PCDHA9: variants seen among roughly 807,000 people sequenced by gnomAD.
The protein encoded by PCDHA9 is protocadherin alpha-9.
Under a neutral mutation model 62.0 loss-of-function variants are expected in PCDHA9, and 62 were observed. That is an observed-to-expected ratio of 1.00 (90% CI 0.81 to 1.23). PCDHA9 has a LOEUF of 1.23. Among genes scored for constraint, PCDHA9 ranks in the 50% most tolerant of loss-of-function variants. PCDHA9 has a pLI of 0.00. For synonymous variants in PCDHA9, 557 were observed against 567.6 expected (o/e 0.98, Z 0.27); for missense variants, 1,205 against 1,249.8 (o/e 0.96, Z 0.54).
At chr5:140,868,689 T>A (rs951881699) in intron 1 of PCDHA9, 4 of 174,918 alleles carry the variant, frequency 2.3e-5, no homozygotes, top group Admixed American at 2.1e-4. Flanking sequence ...GTTATAATGT[T>A]AAGTCAAACA....
intron 1 of PCDHA9, chr5:140,883,418 C>G: frequency 6.2e-7 from 1 of 1,614,172 alleles, no homozygotes; most frequent in Non-Finnish European, 8.5e-7. Context: ...CTCAAATGGA[C>G]AGGTCACCTG....
chr5:140,890,069 A>C (rs1554184149), intron 1 of PCDHA9, among the ~76,000 whole-genome samples: 1 of 152,204 alleles, frequency 6.6e-6, no homozygotes, highest in Non-Finnish European at 1.5e-5. Flanking sequence ...TTACTGGCTT[A>C]TGAGAACTGA....
chr5:140,875,986 T>C, intron 1 of PCDHA9: 1 of 1,613,998 alleles, frequency 6.2e-7, no homozygotes, highest in East Asian at 2.2e-5. Context: ...GACCTATGCG[T>C]TAAGTCTAAA....
At position 140,920,535 on chromosome 5, in the gene PCDHA9, T is replaced by C. The variant is rs75447697; in HGVS notation, c.2395-58414T>C. ...TATGCAATTCGTTAGACTCAGGTTT[T>C]CTATTTCACCTTCGAAGTGTGGCCC... is the stretch of plus-strand genomic sequence containing the variant. On this transcript the variant is annotated intron_variant, in intron 1 of 3. Transcript: ENST00000532602. Among the ~76,000 whole-genome samples the C allele has an allele frequency of 1.3e-3, 198 of 152,336 alleles. 1 individual carries two copies. Among genetic ancestry groups the C allele is most frequent in the African/African-American group, 4.5e-3 (189 of 41,590 alleles).
intron 1 of PCDHA9, among the ~76,000 whole-genome samples, chr5:140,940,230 TA>T (rs2153645241): frequency 6.6e-6 from 1 of 152,330 alleles, no homozygotes; most frequent in Non-Finnish European, 1.5e-5. Flanking sequence ...TTCATTTTGG[TA>T]CATTAAAGTT....
rs2060245016 is a variant in PCDHA9 at position 140,884,536 on chromosome 5, G to C, written c.2394+33647G>C. 5 of 1,614,090 alleles carry C rather than the reference G, an allele frequency of 3.1e-6. No individual in the cohort carries two copies. In the East Asian group the frequency reaches 1.1e-4, roughly 36 times the overall value. ...GGTCGTACTCGCAGCAGAGGCGGCC[G>C]AGGGTGTGCTCTGGGGAGGGCCCGC... On this transcript the variant is annotated intron_variant, in intron 1 of 3. Transcript: ENST00000532602.
intron 1 of PCDHA9, chr5:140,883,466 A>T: frequency 6.2e-7 from 1 of 1,614,128 alleles, no homozygotes; most frequent in Non-Finnish European, 8.5e-7. Flanking sequence ...GCTGGTGTCC[A>T]CCTACAAGAA....
chr5:140,863,279 T>C, intron 1 of PCDHA9: 1 of 1,461,288 alleles, frequency 6.8e-7, no homozygotes, highest in East Asian at 3.4e-5. Context: ...CTGGTGGATG[T>C]CAACGTGTAC....
intron 1 of PCDHA9, among the ~76,000 whole-genome samples, chr5:140,963,244 T>C (rs934081934): frequency 6.6e-6 from 1 of 151,988 alleles, no homozygotes; most frequent in Non-Finnish European, 1.5e-5. Flanking sequence ...ATGGATTAGG[T>C]AGGTTTTCAT....
rs781924329 is a variant in PCDHA9, at chr5:140,856,796, A to T, written c.2394+5907A>T. 42 of 1,595,540 alleles carry T rather than the reference A, an allele frequency of 2.6e-5. 2 individuals carry two copies. The highest frequency in any genetic ancestry group is 1.8e-4 in the South Asian group (16 of 90,506). ...TGACAGACCGGTTTATGAAGTTAAG[A>T]TGTATGAAAATCAAGTGAACCAAAC... On this transcript the variant is annotated intron_variant, in intron 1 of 3. Transcript: ENST00000532602.
At chr5:140,855,486 GTC>G (rs2150336982) in intron 1 of PCDHA9, among the ~76,000 whole-genome samples, 1 of 149,948 alleles carries the variant, frequency 6.7e-6, no homozygotes, top group South Asian at 2.1e-4. Context: ...TGACATTAGT[GTC>G]TAAATAAACC....
intron 1 of PCDHA9, among the ~76,000 whole-genome samples, chr5:140,933,345 A>G (rs1257404732): frequency 6.6e-6 from 1 of 151,960 alleles, no homozygotes; most frequent in Non-Finnish European, 1.5e-5. Flanking sequence ...AAAGATAAAC[A>G]CTTTATTTCT....
chr5:140,903,434 A>T (rs1372993909), intron 1 of PCDHA9, among the ~76,000 whole-genome samples: 1 of 152,226 alleles, frequency 6.6e-6, no homozygotes, highest in Non-Finnish European at 1.5e-5. Context: ...AATATGTATC[A>T]GTGGAATTCA....
rs2098418669 is a variant in PCDHA9 at position 141,010,882 on chromosome 5, G to C, written c.*945G>C. On this transcript the variant is annotated 3_prime_UTR_variant, in exon 4 of 4. Transcript: ENST00000532602. ...GTCTATAGCTATAAATCTTTAAAGAGAAATATGAATACAATTCCCCTAAAC... is the reference window on the plus strand; with the variant it reads ...GTCTATAGCTATAAATCTTTAAAGACAAATATGAATACAATTCCCCTAAAC... The C allele has an allele frequency of 6.5e-6, 1 of 153,674 alleles. No homozygotes were observed. The allele number at this position is 153,674 out of a possible 1,614,324, so 9.5% of individuals were successfully genotyped here.
intron 1 of PCDHA9, among the ~76,000 whole-genome samples, chr5:140,888,313 G>C (rs1434881975): frequency 6.6e-6 from 1 of 152,154 alleles, no homozygotes; most frequent in Non-Finnish European, 1.5e-5. Context: ...ATTTGGCAAT[G>C]CCTGGATACA....
chr5:140,891,344 T>C (rs952306829), intron 1 of PCDHA9, among the ~76,000 whole-genome samples: 2 of 152,166 alleles, frequency 1.3e-5, no homozygotes, highest in East Asian at 1.9e-4. Flanking sequence ...GAGATTTTGG[T>C]GCATCCATCA....
At chr5:140,929,093 A>G in intron 1 of PCDHA9, 1 of 1,614,194 alleles carries the variant, frequency 6.2e-7, no homozygotes, top group Non-Finnish European at 8.5e-7. Flanking sequence ...ATGGTTTCAA[A>G]TCCTTGCATG....
intron 1 of PCDHA9, chr5:140,856,196 G>T: frequency 6.3e-7 from 1 of 1,598,194 alleles, no homozygotes; most frequent in Non-Finnish European, 8.6e-7. Flanking sequence ...CATCGCGCAG[G>T]ACCTGGGGCT....
intron 1 of PCDHA9, chr5:140,857,094 T>G (rs781941290): frequency 4.4e-6 from 7 of 1,596,938 alleles, no homozygotes; most frequent in Non-Finnish European, 6.0e-6. Flanking sequence ...TCACCTGAGG[T>G]GATTGTCACT....
Sources: gnomAD v4.1 joint callset for allele counts (sites outside exome capture counted in the v4.1 genomes callset) on GRCh38, gnomAD v4.1.1 for gene constraint, MANE v1.5 for transcripts, NCBI Gene and HGNC (gene_info 2026-07-23, HGNC 2026-07-21) for gene names.